The following TFDP2 variants were observed in gnomAD, a reference collection of about 807,000 sequenced individuals.
The protein encoded by TFDP2 is transcription factor Dp-2, also known as transcription factor Dp-2 (E2F dimerization partner 2).
A neutral mutation model predicts 59.3 loss-of-function variants in TFDP2; 17 were observed. That is an observed-to-expected ratio of 0.29 (90% CI 0.20 to 0.43). The LOEUF (loss-of-function observed/expected upper bound fraction) is 0.43. Ranked by LOEUF, TFDP2 falls within the 20% of genes least tolerant of loss-of-function variation. The pLI is 1.00. For synonymous variants in TFDP2, 180 were observed against 194.7 expected, an observed-to-expected ratio of 0.92 and a Z score of 0.63; for missense variants, 391 against 528.8, an observed-to-expected ratio of 0.74 and a Z score of 2.56.
chr3:142,148,742 T>C (rs1352993268), intron 1 of TFDP2, among the ~76,000 whole-genome samples: 2 of 152,220 alleles, frequency 1.3e-5, no homozygotes, highest in Non-Finnish European at 1.5e-5. Flanking sequence ...AGTTCCTTTA[T>C]GGGGCATATG....
chr3:141,973,123 A>ATATATATATTTT, intron 8 of TFDP2, among the ~76,000 whole-genome samples: 12 of 58,014 alleles, frequency 2.1e-4, no homozygotes, highest in Admixed American at 5.4e-4. Flanking sequence ...ATATATATAT[A>ATATATATATTTT]TTTTTTTTTT....
At chr3:142,136,443 A>AT (rs372494091) in intron 1 of TFDP2, among the ~76,000 whole-genome samples, 12,666 of 151,934 alleles carry the variant, frequency 0.083, 692 homozygotes, top group Middle Eastern at 0.14. Flanking sequence ...CCATTTGTCT[A>AT]TTTGGCTTTT....
rs909240449 is a variant in TFDP2 at position 142,128,791 on chromosome 3, AT to A, written c.-93+20391del. On this transcript the variant is annotated intron_variant, in intron 1 of 12. Transcript: ENST00000489671. ...TTCTCCCACAAAGTAAAACAAAGAA[AT>A]TTTTTTTTAAAGTAGAAAAGCTTGA... 7.2e-5 allele frequency among the ~76,000 whole-genome samples: 11 copies of A among 151,922 alleles called. No individual in the cohort carries two copies. The South Asian group carries it at 1.2e-3, about 17-fold the overall frequency.
chr3:142,026,702 T>C (rs1946124144), intron 3 of TFDP2, among the ~76,000 whole-genome samples: 1 of 152,230 alleles, frequency 6.6e-6, no homozygotes, highest in South Asian at 2.1e-4. Context: ...TTGTGTTACT[T>C]GTAAAAGGAA....
intron 3 of TFDP2, among the ~76,000 whole-genome samples, 153 bp from the exon 4 acceptor site, chr3:142,005,697 T>A (rs1944153386): frequency 6.6e-6 from 1 of 152,200 alleles, no homozygotes; most frequent in Admixed American, 6.5e-5. Context: ...TACTGAAAAG[T>A]CATACTAATG....
At chr3:142,002,410 T>C (rs2108249668) in intron 4 of TFDP2, among the ~76,000 whole-genome samples, 1 of 150,440 alleles carries the variant, frequency 6.6e-6, no homozygotes, top group East Asian at 2.0e-4. Flanking sequence ...CCTTCTGCCT[T>C]GGCCTCACAA....
chr3:142,024,567 A>G (rs1420765662), intron 3 of TFDP2, among the ~76,000 whole-genome samples: 2 of 152,172 alleles, frequency 1.3e-5, no homozygotes, highest in Non-Finnish European at 2.9e-5. Context: ...GGCAGAAAAA[A>G]AAGGCTAAAT....
rs1943171427 is a variant in TFDP2 at position 141,995,351 on chromosome 3, T to A, written c.187-210A>T. On this transcript the variant is annotated intron_variant, in intron 4 of 12. Coordinates refer to ENST00000489671, the MANE Select transcript of TFDP2 (RefSeq NM_001178139.2). ...AAGTATCCTGAATACTGACATGAGG[T>A]CACAATGCAGGTTTCAGCAAATAAA... The A allele has an allele frequency of 1.3e-5, 5 of 392,558 alleles. No homozygotes were observed. In the East Asian group the frequency reaches 1.9e-4, roughly 15 times the overall value. 24.3% of individuals were successfully genotyped at this position (392,558 alleles called of 1,614,324 possible). A position where few individuals can be genotyped will look rare whatever the true frequency, so the allele number is the denominator to read the frequency against.
At chr3:141,997,786 G>A (rs1481020057) in intron 4 of TFDP2, among the ~76,000 whole-genome samples, 1 of 143,328 alleles carries the variant, frequency 7.0e-6, no homozygotes, top group African/African-American at 2.5e-5. Flanking sequence ...GGAGGCAGAG[G>A]TTACAGTAAG....
intron 7 of TFDP2, among the ~76,000 whole-genome samples, chr3:141,976,026 G>A (rs999832876): frequency 1.2e-4 from 18 of 151,780 alleles, no homozygotes; most frequent in Non-Finnish European, 1.6e-4. Context: ...GATTACAGGC[G>A]CCCACCACCA....
intron 4 of TFDP2, among the ~76,000 whole-genome samples, chr3:141,997,008 T>C (rs990827064): frequency 2.6e-5 from 4 of 152,188 alleles, no homozygotes; most frequent in African/African-American, 7.2e-5. Flanking sequence ...TGTCTGTACC[T>C]CTCATCAAAT....
At chr3:142,043,240 G>T in intron 3 of TFDP2, among the ~76,000 whole-genome samples, 1 of 143,450 alleles carries the variant, frequency 7.0e-6, no homozygotes, top group East Asian at 2.1e-4. Context: ...GTAGAGACGG[G>T]GTTTCACTGT....
At chr3:142,088,369 C>T (rs1311828741) in intron 3 of TFDP2, among the ~76,000 whole-genome samples, 1 of 150,536 alleles carries the variant, frequency 6.6e-6, no homozygotes, top group Non-Finnish European at 1.5e-5. Flanking sequence ...TTCACTCTAT[C>T]CCCCAGGCTG....
In TFDP2 at chr3:141,995,021, C is replaced by T. The variant is rs1259871769; in HGVS notation, c.307G>A (p.Gly103Ser). The change falls in exon 5 of 13, where the codon GGT (glycine) becomes AGT (serine). Residue 103 changes from glycine (G) to serine (S), a missense_variant and splice_region_variant. Physicochemically the swap from Gly to Ser is moderately conservative, Grantham distance 56. Transcript: ENST00000489671. ...HIAEATGWVP[G>S]DRKRARKFID... ...AATAGTAACTTGCAACACTCTTACC[C>T]AGGGACCCAGCCAGTAGCTTCTGCT... is the stretch of plus-strand genomic sequence containing the variant. 6.3e-7 allele frequency: 1 copy of T among 1,579,864 alleles called. No individual in the cohort carries two copies. The highest frequency in any genetic ancestry group is 8.6e-7 in the Non-Finnish European group (1 of 1,163,826).
At chr3:142,026,126 T>C (rs528519304) in intron 3 of TFDP2, among the ~76,000 whole-genome samples, 2 of 152,072 alleles carry the variant, frequency 1.3e-5, no homozygotes, top group South Asian at 2.1e-4. Flanking sequence ...CAGGCCGAGG[T>C]GGGCAGATCA....
At chr3:141,969,105 TC>T (rs1215787230) in intron 9 of TFDP2, among the ~76,000 whole-genome samples, 3 of 70,122 alleles carry the variant, frequency 4.3e-5, no homozygotes, top group South Asian at 7.7e-4. Context: ...TATATATATC[TC>T]ATATATATGA....
intron 3 of TFDP2, among the ~76,000 whole-genome samples, chr3:142,065,154 ATT>A (rs10711434): frequency 6.3e-4 from 93 of 147,902 alleles, no homozygotes; most frequent in Middle Eastern, 3.5e-3. Context: ...GATCATTAAG[ATT>A]TTTTTTTTTT....
chr3:142,148,703 C>T (rs1305883693), intron 1 of TFDP2, among the ~76,000 whole-genome samples: 1 of 152,080 alleles, frequency 6.6e-6, no homozygotes, highest in Non-Finnish European at 1.5e-5. Flanking sequence ...GAGTCTGGGC[C>T]CAAAAAGCGA....
rs1280141436 is a variant in TFDP2, at chr3:141,947,911, C to T, written c.*4602G>A. On this transcript the variant is annotated 3_prime_UTR_variant, in exon 13 of 13. Coordinates refer to ENST00000489671, the MANE Select transcript of TFDP2 (RefSeq NM_001178139.2). ...CCACCCCCAGCCAAAGTAGCCTTTCCCAAACGGTCCCGCTACGCTGCTGCT... is the reference window on the plus strand; with the variant it reads ...CCACCCCCAGCCAAAGTAGCCTTTCTCAAACGGTCCCGCTACGCTGCTGCT... 2 of 152,404 alleles carry T rather than the reference C, an allele frequency of 1.3e-5. No homozygotes were observed. Among genetic ancestry groups the T allele is most frequent in the Non-Finnish European group, 2.9e-5 (2 of 68,194 alleles). The allele number at this position is 152,404 out of a possible 1,614,324, so 9.4% of individuals were successfully genotyped here. A position where few individuals can be genotyped will look rare whatever the true frequency, so the allele number is the denominator to read the frequency against.
Sources: allele counts gnomAD v4.1 joint callset (sites outside exome capture counted in the v4.1 genomes callset), GRCh38; gene constraint gnomAD v4.1.1; transcripts MANE v1.5; gene names NCBI Gene and HGNC (gene_info 2026-07-23, HGNC 2026-07-21).